Variants in OR3A2 observed in about 807,000 individuals in gnomAD.
OR3A2 encodes the protein olfactory receptor family 3 subfamily A member 2, also known as olfactory receptor 3A2.
For synonymous variants in OR3A2, 126 were observed against 159.3 expected, an observed-to-expected ratio of 0.79 and a Z score of 1.57; for missense variants, 318 against 392.8, an observed-to-expected ratio of 0.81 and a Z score of 1.61.
intron 3 of OR3A2, among the ~76,000 whole-genome samples, chr17:3,332,335 T>A (rs2049242923): frequency 6.6e-6 from 1 of 152,188 alleles, no homozygotes; most frequent in Admixed American, 6.5e-5. Flanking sequence ...CAGTTTGATC[T>A]CAGACTGCTG....
intron 1 of OR3A2, among the ~76,000 whole-genome samples, chr17:3,283,492 TG>T (rs1247894079): frequency 1.3e-5 from 2 of 152,218 alleles, no homozygotes; most frequent in Non-Finnish European, 2.9e-5. Flanking sequence ...CCCAAAGTGC[TG>T]GGATTACAGG....
At position 3,320,533 on chromosome 17, in the gene OR3A2, GC is replaced by G. The variant is rs1475761429; in HGVS notation, c.-85+15499del. 3.7e-4 allele frequency among the ~76,000 whole-genome samples: 36 copies of G among 97,172 alleles called. 5 individuals carry two copies. Among genetic ancestry groups the G allele is most frequent in the African/African-American group, 1.3e-3 (36 of 28,418 alleles). 63.7% of individuals were successfully genotyped at this position (97,172 alleles called of 152,430 possible). A position where few individuals can be genotyped will look rare whatever the true frequency, so the allele number is the denominator to read the frequency against. ...TTAGGTCTAACATGTAAGTCTTTAAGCCATCTTAAATTAATTTTTGTATAAG... is the reference window on the plus strand; with the variant it reads ...TTAGGTCTAACATGTAAGTCTTTAAGCATCTTAAATTAATTTTTGTATAAG... On this transcript the variant is annotated intron_variant, in intron 3 of 4. Transcript: ENST00000573491.
intron 3 of OR3A2, among the ~76,000 whole-genome samples, chr17:3,290,483 T>A (rs2048855545): frequency 6.6e-6 from 1 of 152,180 alleles, no homozygotes; most frequent in Non-Finnish European, 1.5e-5. Flanking sequence ...GTCTTTTCTC[T>A]TTATCTCTAT....
chr17:3,309,963 T>G (rs2049028155), intron 3 of OR3A2: 2 of 218,136 alleles, frequency 9.2e-6, no homozygotes, highest in African/African-American at 4.6e-5. Flanking sequence ...TGCCACCATC[T>G]GTAGACTTGG....
chr17:3,367,979 C>T (rs930086427), intron 2 of OR3A2, among the ~76,000 whole-genome samples: 3 of 152,102 alleles, frequency 2.0e-5, no homozygotes, highest in East Asian at 3.9e-4. Flanking sequence ...ATATGCATTT[C>T]CCTGATAATT....
chr17:3,343,354 C>T (rs149110885), intron 2 of OR3A2, among the ~76,000 whole-genome samples: 3 of 152,194 alleles, frequency 2.0e-5, no homozygotes, highest in African/African-American at 7.2e-5. Context: ...ATGCTGGAAG[C>T]TGTAGACCAG....
At chr17:3,365,223 G>T (rs959556597) in intron 2 of OR3A2, among the ~76,000 whole-genome samples, 4 of 152,138 alleles carry the variant, frequency 2.6e-5, no homozygotes, top group African/African-American at 7.2e-5. Context: ...GTATGTGGGG[G>T]TATACCAGAA....
At position 3,295,306 on chromosome 17, in the gene OR3A2, C is replaced by T. The variant is rs2048910681; in HGVS notation, c.-84-16153G>A. On this transcript the variant is annotated intron_variant, in intron 3 of 4. Coordinates refer to the OR3A2 transcript ENST00000573491. ...AAAAGAAAGATTAATATAACATAAT[C>T]AAATAAATTACATGGTATAGGAGAG... 2.0e-5 allele frequency among the ~76,000 whole-genome samples: 3 copies of T among 151,578 alleles called. No homozygotes were observed. In the South Asian group the frequency reaches 6.2e-4, roughly 32 times the overall value.
At chr17:3,330,393 C>G (rs1257345184) in intron 3 of OR3A2, among the ~76,000 whole-genome samples, 1 of 150,378 alleles carries the variant, frequency 6.6e-6, no homozygotes, top group Non-Finnish European at 1.5e-5. Context: ...AATCTGGGTG[C>G]TCCTGTATTG....
chr17:3,361,397 G>T (rs1356941640), intron 2 of OR3A2, among the ~76,000 whole-genome samples: 2 of 151,530 alleles, frequency 1.3e-5, no homozygotes, highest in Admixed American at 1.3e-4. Context: ...CTAACTGAAT[G>T]TGCTTTATTT....
chr17:3,350,286 C>T (rs929827066), intron 2 of OR3A2, among the ~76,000 whole-genome samples: 12 of 151,562 alleles, frequency 7.9e-5, no homozygotes, highest in Non-Finnish European at 8.8e-5. Context: ...AGCCTGCTAG[C>T]AAGACTAATA....
intron 3 of OR3A2, among the ~76,000 whole-genome samples, chr17:3,315,523 T>C (rs1390068345): frequency 2.0e-5 from 3 of 152,194 alleles, no homozygotes; most frequent in Non-Finnish European, 4.4e-5. Flanking sequence ...TTGCCCATTT[T>C]TTAATGAGAT....
chr17:3,331,056 C>T (rs1248173333), intron 3 of OR3A2, among the ~76,000 whole-genome samples: 1 of 152,200 alleles, frequency 6.6e-6, no homozygotes, highest in East Asian at 1.9e-4. Flanking sequence ...TCTCTTCTGG[C>T]TTGTAGGGTT....
intron 2 of OR3A2, among the ~76,000 whole-genome samples, chr17:3,347,946 G>A (rs184583244): frequency 6.6e-6 from 1 of 152,294 alleles, no homozygotes; most frequent in East Asian, 1.9e-4. Flanking sequence ...TCTAACTGGT[G>A]TGAAATGGTA....
At chr17:3,315,628 A>G (rs78573540) in intron 3 of OR3A2, among the ~76,000 whole-genome samples, 1 of 151,762 alleles carries the variant, frequency 6.6e-6, no homozygotes, top group African/African-American at 2.4e-5. Context: ...TTTTCTCCCA[A>G]TCCATAGGTT....
chr17:3,278,524 G>C, exon 2 of OR3A2: 1 of 1,613,808 alleles, frequency 6.2e-7, no homozygotes, highest in South Asian at 1.1e-5. Flanking sequence ...TAGGTGAGGG[G>C]CTGGCAGATG....
intron 1 of OR3A2, among the ~76,000 whole-genome samples, chr17:3,282,182 A>C (rs752578159): frequency 6.6e-6 from 1 of 152,116 alleles, no homozygotes; most frequent in Non-Finnish European, 1.5e-5. Context: ...TGGGAGGCTG[A>C]GGTGGGTGGA....
At chr17:3,363,568 TGTC>T (rs1453151277) in intron 2 of OR3A2, among the ~76,000 whole-genome samples, 1 of 151,822 alleles carries the variant, frequency 6.6e-6, no homozygotes, top group Non-Finnish European at 1.5e-5. Flanking sequence ...CACATCTTCC[TGTC>T]TTCTTCTGAG....
At chr17:3,310,367 C>T (rs2049030764) in intron 3 of OR3A2, 1 of 534,676 alleles carries the variant, frequency 1.9e-6, no homozygotes, top group African/African-American at 1.9e-5. Flanking sequence ...TCCTGCTGGG[C>T]CTCACAGAGA....
Sources: allele counts gnomAD v4.1 joint callset (sites outside exome capture counted in the v4.1 genomes callset), GRCh38; gene constraint gnomAD v4.1.1; transcripts MANE v1.5; gene names NCBI Gene and HGNC (gene_info 2026-07-23, HGNC 2026-07-21).